Variants in HIVEP3 observed in about 807,000 individuals in gnomAD.
HIVEP3 encodes the protein HIVEP zinc finger 3, also known as transcription factor HIVEP3.
HIVEP3 carries 49 observed loss-of-function variants against 152.8 expected under a neutral mutation model. The observed-to-expected ratio is 0.32, with a 90% CI of 0.26 to 0.41. HIVEP3 has a LOEUF of 0.41. Ranked by LOEUF, HIVEP3 falls within the 10% of genes least tolerant of loss-of-function variation. The pLI, the probability that HIVEP3 is intolerant of heterozygous loss-of-function variation, is 1.00. For synonymous variants in HIVEP3, 1,269 were observed against 1,289.0 expected (o/e 0.98, Z 0.33); for missense variants, 2,790 against 3,103.3 (o/e 0.90, Z 2.40).
At position 41,575,624 on chromosome 1, in the gene HIVEP3, T is replaced by C; in HGVS notation, c.5127A>G (p.Glu1709=). ...CCTCCTCCGGCTCCCCTCTCCTCTC[T>C]TCTTCCTTCTCCACTCTAGCTAGAT... The part of the protein sequence containing the change: ...QKDLARVEKE[E]ERRGEPEEDA... Residue 1709 remains glutamate, a synonymous_variant, in exon 5 of 9, where the codon GAA becomes GAG. Transcript: ENST00000372583. 1.9e-6 allele frequency: 3 copies of C among 1,614,178 alleles called. No individual in the cohort carries two copies. The East Asian group carries it at 6.7e-5, about 36-fold the overall frequency.
chr1:41,575,440 TG>T, intron 5 of HIVEP3, 103 bp downstream of exon 5: 1 of 1,253,180 alleles, frequency 8.0e-7, no homozygotes, highest in Non-Finnish European at 1.1e-6. Context: ...AGGGCACCTG[TG>T]GGCAGAGCCC....
chr1:41,980,656 C>G (rs1002786221), intron 1 of HIVEP3, among the ~76,000 whole-genome samples: 2 of 152,128 alleles, frequency 1.3e-5, no homozygotes, highest in African/African-American at 4.8e-5. Flanking sequence ...TTATATTACA[C>G]AATTAAAATT....
At chr1:41,527,894 A>T (rs1489757679) in intron 5 of HIVEP3, among the ~76,000 whole-genome samples, 18 of 84,880 alleles carry the variant, frequency 2.1e-4, no homozygotes, top group African/African-American at 8.2e-4. Flanking sequence ...CTCACACCCC[A>T]CCCTCATGCT....
At chr1:41,667,879 C>T (rs1362110497) in intron 2 of HIVEP3, among the ~76,000 whole-genome samples, 1 of 152,122 alleles carries the variant, frequency 6.6e-6, no homozygotes, top group Non-Finnish European at 1.5e-5. Context: ...CCCCCCAAGC[C>T]CCCCAACTCA....
At chr1:41,859,180 A>T (rs906308682) in intron 1 of HIVEP3, among the ~76,000 whole-genome samples, 5 of 152,248 alleles carry the variant, frequency 3.3e-5, no homozygotes, top group Middle Eastern at 3.4e-3. Context: ...CTGTTTACTT[A>T]TTTATCATTA....
intron 5 of HIVEP3, among the ~76,000 whole-genome samples, chr1:41,575,155 G>A (rs1385923373): frequency 2.0e-5 from 3 of 152,184 alleles, no homozygotes; most frequent in Admixed American, 1.3e-4. Flanking sequence ...ATGGCCATTG[G>A]GCAGTACAGA....
chr1:41,556,550 T>A (rs760519928), intron 5 of HIVEP3, among the ~76,000 whole-genome samples: 3 of 152,246 alleles, frequency 2.0e-5, no homozygotes, highest in South Asian at 4.1e-4. Context: ...ATCAAATATA[T>A]GATTTGCAAA....
chr1:41,551,532 A>C (rs868732275), intron 5 of HIVEP3, among the ~76,000 whole-genome samples: 7 of 152,142 alleles, frequency 4.6e-5, no homozygotes, highest in Non-Finnish European at 8.8e-5. Flanking sequence ...TTGGTAGGCT[A>C]TTAATTATTG....
chr1:41,845,110 C>T (rs536585430), intron 1 of HIVEP3, among the ~76,000 whole-genome samples: 1 of 152,248 alleles, frequency 6.6e-6, no homozygotes. Context: ...GTAGCCTCCC[C>T]TGACAACTCA....
chr1:41,557,104 G>C (rs891380502), intron 5 of HIVEP3, among the ~76,000 whole-genome samples: 1 of 152,166 alleles, frequency 6.6e-6, no homozygotes, highest in African/African-American at 2.4e-5. Flanking sequence ...TGTTTTGGTG[G>C]TTCAAGGTCC....
Position 41,583,788 on chromosome 1 carries a change from T to A in HIVEP3, c.1010A>T (p.Asp337Val), listed in dbSNP as rs779321240. 4.1e-5 allele frequency: 65 copies of A among 1,588,692 alleles called. No homozygotes were observed. Among genetic ancestry groups the A allele is most frequent in the Non-Finnish European group, 5.1e-5 (60 of 1,167,222 alleles). ...SQSSTAQSLE[D>V]PPPFVEPSSE... Reference sequence around the variant, plus strand: ...TGAGGGTTCCACAAATGGAGGGGGGTCTTCGAGTGACTGGGCTGTGCTGGA... The same window carrying A: ...TGAGGGTTCCACAAATGGAGGGGGGACTTCGAGTGACTGGGCTGTGCTGGA... The change falls in exon 4 of 9, where the codon GAC becomes GTC. Residue 337 changes from aspartate (D) to valine (V), a missense_variant. Transcript: ENST00000372583. This position sits in a 1 kb window ranked among gnomAD's most constrained non-coding sequence, Gnocchi z 6.9.
intron 1 of HIVEP3, among the ~76,000 whole-genome samples, chr1:41,772,884 T>A (rs1244107838): frequency 6.6e-6 from 1 of 152,094 alleles, no homozygotes; most frequent in Non-Finnish European, 1.5e-5. Flanking sequence ...CCAACCGGGG[T>A]GACAGAGTGA....
intron 1 of HIVEP3, among the ~76,000 whole-genome samples, chr1:41,908,060 A>T (rs2124461862): frequency 6.6e-6 from 1 of 152,234 alleles, no homozygotes; most frequent in Middle Eastern, 3.4e-3. Flanking sequence ...ATAAGCAAAA[A>T]CAAAACAAAA....
Position 41,611,852 on chromosome 1 carries a change from A to C in HIVEP3, c.-522+16897T>G, listed in dbSNP as rs564576921. The stretch of plus-strand genomic sequence containing the variant: ...GACCTTTCCCGCCCTGACATTCTGG[A>C]TGCTTCTCCCTAGCCTGGGAACTCC... On this transcript the variant is annotated intron_variant, in intron 3 of 8. Transcript: ENST00000372583. Among the ~76,000 whole-genome samples the C allele has an allele frequency of 2.6e-5, 4 of 152,174 alleles. No homozygotes were observed. In the South Asian group the frequency reaches 6.2e-4, roughly 24 times the overall value.
chr1:41,620,003 G>T (rs1645023765), intron 3 of HIVEP3, among the ~76,000 whole-genome samples: 1 of 152,192 alleles, frequency 6.6e-6, no homozygotes, highest in Admixed American at 6.5e-5. Context: ...CACAGGCTCT[G>T]CAGGGGTTTG....
chr1:41,524,293 C>T (rs919286950), intron 6 of HIVEP3, among the ~76,000 whole-genome samples: 9 of 152,110 alleles, frequency 5.9e-5, no homozygotes, highest in South Asian at 2.1e-4. Flanking sequence ...AGAGAGCATG[C>T]GAGTGTGTTA....
In HIVEP3 at chr1:41,630,644, C is replaced by T. The variant is rs527451339; in HGVS notation, c.-720-1697G>A. Among the ~76,000 whole-genome samples the T allele has an allele frequency of 2.6e-5, 4 of 152,272 alleles. No homozygotes were observed. In the South Asian group the frequency reaches 8.3e-4, roughly 32 times the overall value. ...GTCCTACCATTGTAGGGAACTGAGT[C>T]TTGTCAACACCTTGAATGAGCTTGG... is the stretch of plus-strand genomic sequence containing the variant. On this transcript the variant is annotated intron_variant, in intron 2 of 8. Coordinates refer to ENST00000372583, the MANE Select transcript of HIVEP3 (RefSeq NM_024503.5).
At chr1:41,689,418 GA>G (rs1279216873) in intron 2 of HIVEP3, among the ~76,000 whole-genome samples, 1 of 152,218 alleles carries the variant, frequency 6.6e-6, no homozygotes, top group African/African-American at 2.4e-5. Flanking sequence ...CTGCCCTGGT[GA>G]GTCTGTGCTT....
At position 41,658,814 on chromosome 1, in the gene HIVEP3, A is replaced by G. The variant is rs1487752719; in HGVS notation, c.-720-29867T>C. 2.0e-5 allele frequency among the ~76,000 whole-genome samples: 3 copies of G among 152,240 alleles called. No homozygotes were observed. In the East Asian group the frequency reaches 5.8e-4, roughly 29 times the overall value. ...CAGATGTATGACATCATGGTTATTA[A>G]TAATGGAAGCAGCACAACTAATTCA... On this transcript the variant is annotated intron_variant, in intron 2 of 8. Transcript: ENST00000372583.
Sources: allele counts gnomAD v4.1 joint callset (sites outside exome capture counted in the v4.1 genomes callset), GRCh38; gene constraint gnomAD v4.1.1; non-coding constraint Gnocchi (gnomAD v3.1); transcripts MANE v1.5; gene names NCBI Gene and HGNC (gene_info 2026-07-23, HGNC 2026-07-21).